The following SRBD1 variants were observed in gnomAD, a reference collection of about 807,000 sequenced individuals.
SRBD1 encodes the protein S1 RNA binding domain 1.
In SRBD1, 88 loss-of-function variants were observed where a neutral mutation model predicts 115.3. The ratio of observed to expected loss-of-function variants is 0.76; its 90% CI spans 0.64 to 0.91. The LOEUF is 0.91. SRBD1 is among the 40% of genes least tolerant of loss of function. The probability of loss-of-function intolerance (pLI) is 0.00; values close to 1 mark genes in which losing one functional copy is unlikely to be tolerated. For missense variants in SRBD1, 1,385 were observed against 1,177.4 expected (o/e 1.18, Z -2.58); for synonymous variants, 509 against 407.7 (o/e 1.25, Z -2.99).
chr2:45,593,371 T>C (rs1673785014), intron 4 of SRBD1, among the ~76,000 whole-genome samples: 1 of 152,158 alleles, frequency 6.6e-6, no homozygotes, highest in South Asian at 2.1e-4. Flanking sequence ...TCAGGCATAA[T>C]CCTCATGTGT....
At chr2:45,549,391 T>A (rs1393061672) in intron 12 of SRBD1, among the ~76,000 whole-genome samples, 1 of 151,232 alleles carries the variant, frequency 6.6e-6, no homozygotes, top group Non-Finnish European at 1.5e-5. Context: ...CTACTAAAAG[T>A]TCAAACTAAC....
chr2:45,530,555 C>T (rs962236239), intron 14 of SRBD1, among the ~76,000 whole-genome samples: 3 of 152,036 alleles, frequency 2.0e-5, no homozygotes, highest in African/African-American at 7.2e-5. Flanking sequence ...TCACTGTCTC[C>T]TGTCTATGAC....
intron 9 of SRBD1, among the ~76,000 whole-genome samples, chr2:45,564,429 G>A (rs1672763743): frequency 1.3e-5 from 2 of 152,118 alleles, no homozygotes. Flanking sequence ...AAAGAAGGGA[G>A]GCCATCTATA....
chr2:45,389,593 T>C lies in SRBD1; in HGVS notation c.2705A>G (p.Asp902Gly), dbSNP rs1473197990. 3 of 1,611,360 alleles carry C rather than the reference T, an allele frequency of 1.9e-6. No homozygotes were observed. The highest frequency in any genetic ancestry group is 2.2e-5 in the East Asian group (1 of 44,830). Residue 902 changes from aspartate (D) to glycine (G), a missense_variant, in exon 21 of 21, where the codon GAT becomes GGT. Asp to Gly is a moderately conservative substitution (Grantham distance 94). Coordinates refer to ENST00000263736, the MANE Select transcript of SRBD1 (RefSeq NM_018079.5). ...TATGCTTCTCTTGAAATCAGGTTTA[T>C]CAAAATCTGTAAGAGAAAAAAAGTA... ...PESFDFRTDFDKPDFKRSIVC... is the reference protein window; with the variant it reads ...PESFDFRTDFGKPDFKRSIVC...
chr2:45,597,606 G>A (rs370670696), intron 4 of SRBD1, among the ~76,000 whole-genome samples: 2 of 152,228 alleles, frequency 1.3e-5, no homozygotes, highest in African/African-American at 4.8e-5. Context: ...GTGATTATAA[G>A]ACACCAGATA....
chr2:45,446,187 C>T (rs1176106726), intron 16 of SRBD1, among the ~76,000 whole-genome samples: 1 of 152,162 alleles, frequency 6.6e-6, no homozygotes, highest in Non-Finnish European at 1.5e-5. Context: ...GACTGATTCC[C>T]AGCAGGTTGG....
intron 10 of SRBD1, among the ~76,000 whole-genome samples, chr2:45,560,508 T>C (rs1672628167): frequency 6.6e-6 from 1 of 152,206 alleles, no homozygotes. Flanking sequence ...GTTACGTAGA[T>C]TATCATTTAA....
intron 9 of SRBD1, among the ~76,000 whole-genome samples, chr2:45,564,494 T>C (rs1019184012): frequency 9.8e-5 from 15 of 152,290 alleles, no homozygotes; most frequent in African/African-American, 2.9e-4. Flanking sequence ...ATCTTATATA[T>C]AGAAAATTCT....
At chr2:45,564,376 G>A (rs923901215) in intron 9 of SRBD1, among the ~76,000 whole-genome samples, 11 of 152,130 alleles carry the variant, frequency 7.2e-5, no homozygotes, top group East Asian at 1.9e-4. Flanking sequence ...CAAGACAAGC[G>A]TGTCCACTCT....
intron 16 of SRBD1, among the ~76,000 whole-genome samples, chr2:45,421,463 T>G (rs1428150072): frequency 1.7e-5 from 2 of 121,056 alleles, no homozygotes; most frequent in Non-Finnish European, 3.2e-5. Flanking sequence ...GCGTAGATCG[T>G]GCCACTGCAC....
At chr2:45,480,838 T>A (rs1669940421) in intron 15 of SRBD1, among the ~76,000 whole-genome samples, 1 of 151,096 alleles carries the variant, frequency 6.6e-6, no homozygotes, top group African/African-American at 2.4e-5. Flanking sequence ...GCAGCAGGAA[T>A]GGATAATATG....
intron 16 of SRBD1, among the ~76,000 whole-genome samples, chr2:45,446,069 A>G (rs561620982): frequency 6.6e-6 from 1 of 152,276 alleles, no homozygotes; most frequent in Non-Finnish European, 1.5e-5. Flanking sequence ...CCCTCTAGAG[A>G]GGTCTGACTT....
At chr2:45,423,615 C>T (rs1045582245) in intron 16 of SRBD1, among the ~76,000 whole-genome samples, 3 of 152,028 alleles carry the variant, frequency 2.0e-5, no homozygotes, top group Admixed American at 6.5e-5. Context: ...TGAATTCTAC[C>T]AAACATTTGA....
chr2:45,505,958 G>T (rs541605042), intron 14 of SRBD1, among the ~76,000 whole-genome samples: 1 of 152,270 alleles, frequency 6.6e-6, no homozygotes, highest in East Asian at 1.9e-4. Flanking sequence ...TTTAAAAGTT[G>T]TTTGTGAATG....
At chr2:45,487,328 T>G (rs1397291159) in intron 15 of SRBD1, among the ~76,000 whole-genome samples, 1 of 152,222 alleles carries the variant, frequency 6.6e-6, no homozygotes, top group African/African-American at 2.4e-5. Context: ...TGATACCAAC[T>G]GCTTTCATTA....
intron 16 of SRBD1, among the ~76,000 whole-genome samples, chr2:45,474,603 A>C (rs1014237601): frequency 6.6e-6 from 1 of 152,104 alleles, no homozygotes; most frequent in Admixed American, 6.6e-5. Context: ...CTTATCTAAT[A>C]CTTCAGACCC....
In SRBD1 at chr2:45,551,216, G is replaced by T. The variant is rs371024329; in HGVS notation, c.1584C>A (p.Leu528=). 1.6e-4 allele frequency: 259 copies of T among 1,612,966 alleles called. No homozygotes were observed. The highest frequency in any genetic ancestry group is 3.7e-4 in the Admixed American group (22 of 59,572). The change falls in exon 12 of 21, where the codon CTC becomes CTA. Residue 528 remains leucine, a synonymous_variant. Coordinates refer to ENST00000263736, the MANE Select transcript of SRBD1 (RefSeq NM_018079.5). The part of the protein sequence containing the change: ...VMMFGRNLRQ[L]LLTSPVPGRT... ...GCCCTGGAACAGGGCTTGTTAAAAG[G>T]AGCTGACGAAGGTTCCGTCCAAACA...
intron 16 of SRBD1, among the ~76,000 whole-genome samples, chr2:45,433,808 T>C (rs924165024): frequency 6.6e-6 from 1 of 152,230 alleles, no homozygotes; most frequent in Non-Finnish European, 1.5e-5. Flanking sequence ...GAAGAAGACT[T>C]TGAAAAAGAT....
At chr2:45,600,004 T>C (rs544970259) in intron 3 of SRBD1, among the ~76,000 whole-genome samples, 169 bp from the exon 4 acceptor site, 1 of 152,232 alleles carries the variant, frequency 6.6e-6, no homozygotes, top group Non-Finnish European at 1.5e-5. Flanking sequence ...AGTTACATAC[T>C]ATATGAATAC....
Sources: allele counts gnomAD v4.1 joint callset (sites outside exome capture counted in the v4.1 genomes callset), GRCh38; gene constraint gnomAD v4.1.1; transcripts MANE v1.5; gene names NCBI Gene and HGNC (gene_info 2026-07-23, HGNC 2026-07-21).